MAPRE2: variants seen among roughly 807,000 people sequenced by gnomAD.
The protein encoded by MAPRE2 is microtubule associated protein RP/EB family member 2, also known as microtubule-associated protein RP/EB family member 2.
MAPRE2 carries 13 observed loss-of-function variants against 43.2 expected under a neutral mutation model. The ratio of observed to expected loss-of-function variants is 0.30; its 90% CI spans 0.20 to 0.48. The LOEUF (loss-of-function observed/expected upper bound fraction) is 0.48, where lower values mean the gene tolerates loss of function less well. Ranked by LOEUF, MAPRE2 falls within the 20% of genes least tolerant of loss-of-function variation. MAPRE2 has a pLI of 0.99. For synonymous variants in MAPRE2, 135 were observed against 148.8 expected (o/e 0.91, Z 0.68); for missense variants, 161 against 400.2 (o/e 0.40, Z 5.10).
At chr18:35,041,393 G>T (rs904823005), upstream of MAPRE2, 4 of 1,498,942 alleles carry the variant, frequency 2.7e-6, no homozygotes, top group African/African-American at 5.6e-5. Context: ...GCAGGAGGGC[G>T]GGGCGCGAGC....
chr18:35,075,218 A>T (rs552059331), intron 2 of MAPRE2, among the ~76,000 whole-genome samples: 42 of 152,342 alleles, frequency 2.8e-4, no homozygotes, highest in African/African-American at 9.9e-4. Context: ...TAGCCATCAG[A>T]TGGCCCTGGG....
At chr18:35,030,717 G>C (rs752428862) in intron 2 of MAPRE2, among the ~76,000 whole-genome samples, 2 of 151,754 alleles carry the variant, frequency 1.3e-5, no homozygotes, top group African/African-American at 4.9e-5. Flanking sequence ...TCTAACTTTG[G>C]TTTTAAGCCA....
Position 35,048,148 on chromosome 18 carries a change from G to A in MAPRE2, c.122+6487G>A, listed in dbSNP as rs114849592. Among the ~76,000 whole-genome samples, 996 of 152,298 alleles carry A rather than the reference G, an allele frequency of 6.5e-3. 9 individuals carry two copies. Among genetic ancestry groups the A allele is most frequent in the African/African-American group, 0.023 (947 of 41,564 alleles). ...TTTCACTCATGGTGGAAGGCGAAGCGGGAGCAGGCATGTCTCATGGCCAGA... is the reference window on the plus strand; with the variant it reads ...TTTCACTCATGGTGGAAGGCGAAGCAGGAGCAGGCATGTCTCATGGCCAGA... On this transcript the variant is annotated intron_variant, in intron 1 of 6. Coordinates refer to ENST00000300249, the MANE Select transcript of MAPRE2 (RefSeq NM_014268.4).
chr18:34,978,479 A>G, intron 1 of MAPRE2: 1 of 1,547,622 alleles, frequency 6.5e-7, no homozygotes, highest in South Asian at 1.2e-5. Context: ...TAATCTGAGG[A>G]CCCGCGATTT....
intron 1 of MAPRE2, among the ~76,000 whole-genome samples, chr18:34,985,566 T>C (rs1405818693): frequency 2.5e-5 from 2 of 79,930 alleles, no homozygotes; most frequent in Non-Finnish European, 4.4e-5. Context: ...ATATTATAAA[T>C]ATAATATATA....
intron 6 of MAPRE2, among the ~76,000 whole-genome samples, chr18:35,133,183 G>T (rs1910239679): frequency 6.6e-6 from 1 of 152,158 alleles, no homozygotes; most frequent in South Asian, 2.1e-4. Flanking sequence ...CTCCATTTAT[G>T]CCTCAAAATA....
At chr18:35,021,669 T>C (rs972896634) in intron 2 of MAPRE2, among the ~76,000 whole-genome samples, 24 of 151,962 alleles carry the variant, frequency 1.6e-4, no homozygotes, top group African/African-American at 5.8e-4. Context: ...CAAAAATCAA[T>C]TGGACTTAGT....
chr18:34,985,170 A>AAAATAATATAT (rs1463703795), intron 1 of MAPRE2, among the ~76,000 whole-genome samples: 5 of 80,016 alleles, frequency 6.2e-5, no homozygotes, highest in Non-Finnish European at 1.1e-4. Context: ...TAAATATATA[A>AAAATAATATAT]AAATAATATA....
intron 3 of MAPRE2, among the ~76,000 whole-genome samples, chr18:35,099,885 C>G (rs746049542): frequency 6.6e-6 from 1 of 152,128 alleles, no homozygotes; most frequent in Non-Finnish European, 1.5e-5. Context: ...TAGTTTAATG[C>G]GTGCTTCAGT....
chr18:35,035,361 G>T (rs1325481551), intron 2 of MAPRE2, among the ~76,000 whole-genome samples: 2 of 150,512 alleles, frequency 1.3e-5, no homozygotes, highest in South Asian at 2.1e-4. Flanking sequence ...GGGGACGGTT[G>T]TGGGGTGGGG....
At position 35,010,194 on chromosome 18, in the gene MAPRE2, C is replaced by G. The variant is rs550848821; in HGVS notation, c.-8+4641C>G. ...TTGAGGCCAGGGGTTCAAGACCAGC[C>G]TGGGCAATATAGCAAGACCTCATCT... is the stretch of plus-strand genomic sequence containing the variant. On this transcript the variant is annotated intron_variant, in intron 2 of 7. Coordinates refer to the MAPRE2 transcript ENST00000413393. 9.2e-5 allele frequency among the ~76,000 whole-genome samples: 14 copies of G among 151,952 alleles called. No individual in the cohort carries two copies. The South Asian group carries it at 2.7e-3, about 29-fold the overall frequency.
chr18:35,097,443 C>T lies in MAPRE2; in HGVS notation c.251-3C>T, dbSNP rs2144169292. 1 of 1,613,304 alleles carries T rather than the reference C, an allele frequency of 6.2e-7. No individual in the cohort carries two copies. The highest frequency in any genetic ancestry group is 1.7e-4 in the Middle Eastern group (1 of 6,050). On this transcript the variant is annotated splice_polypyrimidine_tract_variant and splice_region_variant and intron_variant, in intron 2 of 6. Coordinates refer to ENST00000300249, the MANE Select transcript of MAPRE2 (RefSeq NM_014268.4). ...CTCCAGTACTGTTCTTGTTTCTTTC[C>T]AGGAGCGGCCTATTGCCAATTCATG...
At chr18:35,010,855 G>A (rs189131963) in intron 2 of MAPRE2, among the ~76,000 whole-genome samples, 143 of 152,270 alleles carry the variant, frequency 9.4e-4, no homozygotes, top group African/African-American at 3.4e-3. Flanking sequence ...ATATAGAGAG[G>A]TAGATGGTTA....
intron 2 of MAPRE2, among the ~76,000 whole-genome samples, chr18:35,013,748 G>A (rs768365287): frequency 6.6e-6 from 1 of 151,998 alleles, no homozygotes; most frequent in Non-Finnish European, 1.5e-5. Context: ...TTTAGTAATA[G>A]CTTTCACGTA....
chr18:35,008,619 A>C (rs947562251), intron 2 of MAPRE2, among the ~76,000 whole-genome samples: 1 of 152,144 alleles, frequency 6.6e-6, no homozygotes, highest in African/African-American at 2.4e-5. Flanking sequence ...ATGTGCTTTA[A>C]TTCTTACTAT....
At chr18:35,005,668 G>A in intron 2 of MAPRE2, 1 of 540,282 alleles carries the variant, frequency 1.9e-6, no homozygotes, top group Admixed American at 3.7e-5. Flanking sequence ...CACAATTAAA[G>A]CCGATATTTG....
At chr18:35,005,588 T>G in intron 2 of MAPRE2, 1 of 1,331,398 alleles carries the variant, frequency 7.5e-7, no homozygotes, top group Non-Finnish European at 1.0e-6. Flanking sequence ...CATGACTCCT[T>G]GCTTAAAAAT....
At chr18:35,082,497 C>A (rs1278865549) in intron 2 of MAPRE2, among the ~76,000 whole-genome samples, 1 of 152,074 alleles carries the variant, frequency 6.6e-6, no homozygotes, top group African/African-American at 2.4e-5. Flanking sequence ...CTACCCATAA[C>A]CTGTATTTCC....
At chr18:35,107,990 A>G (rs1908985876) in intron 4 of MAPRE2, among the ~76,000 whole-genome samples, 1 of 151,788 alleles carries the variant, frequency 6.6e-6, no homozygotes, top group African/African-American at 2.4e-5. Context: ...ATCCTGTTGA[A>G]TTGACCTTTT....
Sources: gnomAD v4.1 joint callset for allele counts (sites outside exome capture counted in the v4.1 genomes callset) on GRCh38, gnomAD v4.1.1 for gene constraint, MANE v1.5 for transcripts, NCBI Gene and HGNC (gene_info 2026-07-23, HGNC 2026-07-21) for gene names.